The following MYO15A variants were observed in gnomAD, a reference collection of about 807,000 sequenced individuals.
MYO15A encodes unconventional myosin-XV.
In MYO15A, 308 loss-of-function variants were observed where a neutral mutation model predicts 394.6. The ratio of observed to expected loss-of-function variants is 0.78; its 90% CI spans 0.71 to 0.86. MYO15A has a LOEUF of 0.86. Among genes scored for constraint, MYO15A ranks in the 40% least tolerant of loss-of-function variants. The pLI, the probability that MYO15A is intolerant of heterozygous loss-of-function variation, is 0.00. For synonymous variants in MYO15A, 1,957 were observed against 2,003.8 expected (o/e 0.98, Z 0.62); for missense variants, 4,606 against 4,799.1 (o/e 0.96, Z 1.19).
At position 18,154,769 on chromosome 17, in the gene MYO15A, G is replaced by A. The variant is rs1451990761; in HGVS notation, c.8224+14G>A. Reference sequence around the variant, plus strand: ...AGGCCTTGTTTGGTATCTCGGGGGAGAGGAGGGGTACTGATGGGGCAACCA... The same window carrying A: ...AGGCCTTGTTTGGTATCTCGGGGGAAAGGAGGGGTACTGATGGGGCAACCA... On this transcript the variant is annotated intron_variant, in intron 45 of 65. Coordinates refer to ENST00000647165, the MANE Select transcript of MYO15A (RefSeq NM_016239.4). 2 of 1,612,862 alleles carry A rather than the reference G, an allele frequency of 1.2e-6. No homozygotes were observed. Among genetic ancestry groups the A allele is most frequent in the South Asian group, 2.2e-5 (2 of 91,066 alleles).
chr17:18,119,551 C>T lies in MYO15A; in HGVS notation c.751C>T (p.Leu251Phe), dbSNP rs567572864. ...DGDDYYDRQS[L>F]HRYEEQEPYL... ...CGACGACTACTACGACCGGCAGTCA[C>T]TCCACCGCTACGAGGAGCAGGAACC... The change falls in exon 2 of 66, where the codon CTC becomes TTC. Residue 251 changes from leucine (L) to phenylalanine (F), a missense_variant. By Grantham distance (22) the Leu-to-Phe change is conservative (BLOSUM62 0). This residue lies in a region of MYO15A where 1,830 missense variants were observed against 1,689.7 expected (regional missense o/e 1.08). Transcript: ENST00000647165. The T allele has an allele frequency of 1.2e-6, 2 of 1,608,120 alleles. No homozygotes were observed. The highest frequency in any genetic ancestry group is 2.2e-5 in the East Asian group (1 of 44,866).
intron 63 of MYO15A, 40 bp from the exon 64 acceptor site, chr17:18,172,117 C>G (rs2046951121): frequency 6.2e-7 from 1 of 1,613,544 alleles, no homozygotes; most frequent in East Asian, 2.2e-5. Context: ...GTCAGTGAGC[C>G]CTGCCCAGCA....
chr17:18,113,717 G>A (rs188472581), intron 1 of MYO15A, among the ~76,000 whole-genome samples: 1 of 151,172 alleles, frequency 6.6e-6, no homozygotes, highest in Non-Finnish European at 1.5e-5. Flanking sequence ...TCTCCAGCCC[G>A]GTTGACGGAG....
At position 18,137,716 on chromosome 17, in the gene MYO15A, G is replaced by T; in HGVS notation, c.4875+37G>T. On this transcript the variant is annotated intron_variant, in intron 16 of 65. Coordinates refer to ENST00000647165, the MANE Select transcript of MYO15A (RefSeq NM_016239.4). ...CCATTAATACTCCTGTCCCTGTCTT[G>T]ACTGGCCAGTGGACCTCCTTGGAGA... The T allele has an allele frequency of 1.9e-6, 3 of 1,601,966 alleles. No homozygotes were observed. In the South Asian group the frequency reaches 3.3e-5, roughly 18 times the overall value.
In MYO15A at chr17:18,159,925, C is replaced by T. The variant is rs1306809845; in HGVS notation, c.9304-10C>T. The T allele has an allele frequency of 1.9e-6, 3 of 1,613,854 alleles. No homozygotes were observed. The highest frequency in any genetic ancestry group is 1.1e-5 in the South Asian group (1 of 90,988). ...TGTCTTTGGTGTGTAACCTCCCTGC[C>T]CCCCTTCAGCTGTGCGGGGACCATG... On this transcript the variant is annotated splice_polypyrimidine_tract_variant and intron_variant, in intron 55 of 65. Coordinates refer to ENST00000647165, the MANE Select transcript of MYO15A (RefSeq NM_016239.4).
At position 18,126,878 on chromosome 17, in the gene MYO15A, C is replaced by T; in HGVS notation, c.3941+13C>T. 1 of 1,613,992 alleles carries T rather than the reference C, an allele frequency of 6.2e-7. No individual in the cohort carries two copies. Among genetic ancestry groups the T allele is most frequent in the Non-Finnish European group, 8.5e-7 (1 of 1,179,980 alleles). On this transcript the variant is annotated intron_variant, in intron 6 of 65. Coordinates refer to ENST00000647165, the MANE Select transcript of MYO15A (RefSeq NM_016239.4). ...GCATAATCATTAGGTGAGTGGGCTG[C>T]CTTTATGTGGGGGATAAATGGGGGA...
At chr17:18,133,153 G>A in intron 11 of MYO15A, 72 bp from the exon 12 acceptor site, 1 of 1,527,180 alleles carries the variant, frequency 6.5e-7, no homozygotes, top group Admixed American at 1.8e-5. Flanking sequence ...TACTGGTCAG[G>A]GCAGAGCAGG....
rs369072311 is a variant in MYO15A, at chr17:18,153,902, G to A, written c.8088+6G>A. 1.9e-5 allele frequency: 30 copies of A among 1,613,324 alleles called. No homozygotes were observed. The African/African-American group carries it at 3.2e-4, about 17-fold the overall frequency. ...AGATCTTCCTGCGCAAAGAGGTGCC[G>A]AGCACAGCCGTAGCCAGGGGAGGGG... On this transcript the variant is annotated splice_donor_region_variant and intron_variant, in intron 43 of 65. Transcript: ENST00000647165. This position sits in a 1 kb window ranked among gnomAD's most constrained non-coding sequence, Gnocchi z 4.1.
In MYO15A at chr17:18,150,837, C is replaced by A. The variant is rs1289726539; in HGVS notation, c.7397C>A (p.Ala2466Asp). 4.4e-6 allele frequency: 7 copies of A among 1,593,232 alleles called. No individual in the cohort carries two copies. The highest frequency in any genetic ancestry group is 6.0e-6 in the Non-Finnish European group (7 of 1,169,870). ...GTCACCACTGCCACCTCTCCCCAGG[C>A]CCGGGAGATGACCCTGCAGGCCACG... ...AFIHKQAVLL[A>D]REMTLQATAL... Residue 2466 changes from alanine to aspartate, a missense_variant and splice_region_variant, in exon 38 of 66, where the codon GCC becomes GAC. By Grantham distance (126) the Ala-to-Asp change is moderately radical. Coordinates refer to ENST00000647165, the MANE Select transcript of MYO15A (RefSeq NM_016239.4). This position sits in a 1 kb window ranked among gnomAD's most constrained non-coding sequence, Gnocchi z 4.4.
At position 18,124,465 on chromosome 17, in the gene MYO15A, CCT is replaced by C. The variant is rs759480416; in HGVS notation, c.3610-8_3610-7del. ...GGTGCCCTTCAACCTGCAGACACAGCCTCTCTCTCTCACACAGATGCACTCCA... is the reference window on the plus strand; with the variant it reads ...GGTGCCCTTCAACCTGCAGACACAGCCTCTCTCTCACACAGATGCACTCCA... On this transcript the variant is annotated splice_polypyrimidine_tract_variant and intron_variant, in intron 2 of 65. Transcript: ENST00000647165. The C allele has an allele frequency of 2.4e-5, 39 of 1,607,008 alleles. No individual in the cohort carries two copies. The highest frequency in any genetic ancestry group is 2.6e-5 in the Non-Finnish European group (31 of 1,178,502).
Position 18,173,932 on chromosome 17 carries a change from C to A in MYO15A, c.10491+11C>A. On this transcript the variant is annotated intron_variant, in intron 65 of 65. Transcript: ENST00000647165. ...CTGCAGCTGGAGCAGGTGGGCCCAGCGCTAAGTCCAACATTCCACTCACTG... is the reference window on the plus strand; with the variant it reads ...CTGCAGCTGGAGCAGGTGGGCCCAGAGCTAAGTCCAACATTCCACTCACTG... 6.2e-7 allele frequency: 1 copy of A among 1,612,184 alleles called. No homozygotes were observed. The highest frequency in any genetic ancestry group is 8.5e-7 in the Non-Finnish European group (1 of 1,179,422).
At chr17:18,122,550 A>G (rs2045959167) in intron 2 of MYO15A, 141 bp downstream of exon 2, 2 of 1,321,202 alleles carry the variant, frequency 1.5e-6, no homozygotes, top group African/African-American at 1.5e-5. Context: ...TAAGTTGGGG[A>G]GAACAGCCTG....
rs199520255 is a variant in MYO15A at position 18,119,181 on chromosome 17, C to G, written c.381C>G (p.Leu127=). 225 of 1,612,490 alleles carry G rather than the reference C, an allele frequency of 1.4e-4. 1 individual carries two copies. The highest frequency in any genetic ancestry group is 9.9e-4 in the Middle Eastern group (6 of 6,060). The part of the protein sequence containing the change: ...YGRLRPRARS[L]SKASTAINWL... ...GCCTGCGGCCGCGCGCCCGGTCACT[C>G]AGCAAAGCGTCCACGGCCATCAACT... Residue 127 remains leucine (L), a synonymous_variant, in exon 2 of 66, where the codon CTC becomes CTG. Transcript: ENST00000647165.
intron 19 of MYO15A, 138 bp downstream of exon 19, chr17:18,139,749 C>A: frequency 1.0e-6 from 1 of 1,001,430 alleles, no homozygotes; most frequent in Non-Finnish European, 1.5e-6. Context: ...CAAGGGTGGC[C>A]TGGACACCCT....
At chr17:18,172,514 G>C in intron 64 of MYO15A, 5 of 670,138 alleles carry the variant, frequency 7.5e-6, no homozygotes, top group Non-Finnish European at 1.3e-5. Flanking sequence ...GGTGAGATGA[G>C]GTAAAACATA....
Position 18,149,168 on chromosome 17 carries a change from C to G in MYO15A, c.6957-48C>G, listed in dbSNP as rs768718228. The G allele has an allele frequency of 3.6e-5, 58 of 1,610,512 alleles. 1 individual carries two copies. The Middle Eastern group carries it at 1.3e-3, about 37-fold the overall frequency. ...GGTGCAGAAGAAAATTTGGGGGATT[C>G]TGGGATCTCTCTGGGGGTCAGTAGC... is the stretch of plus-strand genomic sequence containing the variant. On this transcript the variant is annotated intron_variant, in intron 33 of 65. Coordinates refer to ENST00000647165, the MANE Select transcript of MYO15A (RefSeq NM_016239.4).
At position 18,150,293 on chromosome 17, in the gene MYO15A, C is replaced by A. The variant is rs1052429631; in HGVS notation, c.7213-136C>A. On this transcript the variant is annotated intron_variant, in intron 35 of 65. Transcript: ENST00000647165. This position sits in a 1 kb window ranked among gnomAD's most constrained non-coding sequence, Gnocchi z 4.4. ...GCCATAGGGGTAAAGGCTGAGCATA[C>A]AGCAGACACTGAGCCAGTGGGAGGC... is the stretch of plus-strand genomic sequence containing the variant. 3.9e-6 allele frequency: 3 copies of A among 769,360 alleles called. No individual in the cohort carries two copies. The Admixed American group carries it at 5.9e-5, about 15-fold the overall frequency. The allele number at this position is 769,360 out of a possible 1,614,324, so 47.7% of individuals were successfully genotyped here. A position where few individuals can be genotyped will look rare whatever the true frequency, so the allele number is the denominator to read the frequency against.
chr17:18,130,809 A>T lies in MYO15A; in HGVS notation c.4037A>T (p.Lys1346Met), dbSNP rs2046141865. ...NQKREVMQQI[K>M]ILEATPLLES... ...CCCTCCTGGACGCTCTTGAAGATAAAGGTACTCAGTGTGTGTGTGTGTGTG... is the reference window on the plus strand; with the variant it reads ...CCCTCCTGGACGCTCTTGAAGATAATGGTACTCAGTGTGTGTGTGTGTGTG... Residue 1346 changes from lysine to methionine, a missense_variant and splice_region_variant, in exon 8 of 66, where the codon AAG becomes ATG. Lys to Met is a moderately conservative substitution (Grantham distance 95). Coordinates refer to ENST00000647165, the MANE Select transcript of MYO15A (RefSeq NM_016239.4). 1 of 1,586,452 alleles carries T rather than the reference A, an allele frequency of 6.3e-7. No individual in the cohort carries two copies. Among genetic ancestry groups the T allele is most frequent in the African/African-American group, 1.5e-5 (1 of 66,554 alleles).
rs952761801 is a variant in MYO15A, at chr17:18,140,946, A to G, written c.5407-73A>G. ...GCATCTGCCCAGCCTAGCACTGGGAATATTCACCATGATAATGCCTTTTGC... is the reference window on the plus strand; with the variant it reads ...GCATCTGCCCAGCCTAGCACTGGGAGTATTCACCATGATAATGCCTTTTGC... On this transcript the variant is annotated intron_variant, in intron 21 of 65. Coordinates refer to ENST00000647165, the MANE Select transcript of MYO15A (RefSeq NM_016239.4). The G allele has an allele frequency of 3.1e-6, 5 of 1,612,838 alleles. No homozygotes were observed. The East Asian group carries it at 1.1e-4, about 36-fold the overall frequency.
Sources: allele counts gnomAD v4.1 joint callset (sites outside exome capture counted in the v4.1 genomes callset), GRCh38; gene constraint gnomAD v4.1.1; regional missense constraint gnomAD v4.1.1; non-coding constraint Gnocchi (gnomAD v3.1); transcripts MANE v1.5; gene names NCBI Gene and HGNC (gene_info 2026-07-23, HGNC 2026-07-21).